LRIG1: variants seen among roughly 807,000 people sequenced by gnomAD.
LRIG1 encodes the protein leucine rich repeats and immunoglobulin like domains 1.
Under a neutral mutation model 99.2 loss-of-function variants are expected in LRIG1, and 48 were observed. The ratio of observed to expected loss-of-function variants is 0.48; its 90% CI spans 0.38 to 0.62. The LOEUF (loss-of-function observed/expected upper bound fraction) is 0.62. Among genes scored for constraint, LRIG1 ranks in the 20% least tolerant of loss-of-function variants. The probability of loss-of-function intolerance (pLI) is 0.00; values close to 1 mark genes in which losing one functional copy is unlikely to be tolerated. For synonymous variants in LRIG1, 772 were observed against 596.1 expected, an observed-to-expected ratio of 1.29 and a Z score of -4.30; for missense variants, 1,646 against 1,434.4, an observed-to-expected ratio of 1.15 and a Z score of -2.38.
At position 66,380,199 on chromosome 3, in the gene LRIG1, C is replaced by T. The variant is rs956747271; in HGVS notation, c.*64G>A. On this transcript the variant is annotated 3_prime_UTR_variant, in exon 19 of 19. Coordinates refer to ENST00000273261, the MANE Select transcript of LRIG1 (RefSeq NM_015541.3). The stretch of plus-strand genomic sequence containing the variant: ...AGTGACGCTTGAACCCAAGCTTCCT[C>T]GCAGCCTCTCCTACCTCTCTTTCCC... 75 of 1,390,326 alleles carry T rather than the reference C, an allele frequency of 5.4e-5. No homozygotes were observed. In the African/African-American group the frequency reaches 7.3e-4, roughly 14 times the overall value. The allele number at this position is 1,390,326 out of a possible 1,614,324, so 86.1% of individuals were successfully genotyped here. A position where few individuals can be genotyped will look rare whatever the true frequency, so the allele number is the denominator to read the frequency against.
At chr3:66,490,716 T>A (rs560755596) in intron 1 of LRIG1, among the ~76,000 whole-genome samples, 2 of 152,230 alleles carry the variant, frequency 1.3e-5, no homozygotes, top group African/African-American at 4.8e-5. Context: ...TGGTGTATAA[T>A]CGGTTATCAT....
At position 66,394,197 on chromosome 3, in the gene LRIG1, G is replaced by T; in HGVS notation, c.1311C>A (p.Ile437=). ...VKMKNLKELH[I]SSDSFLCDCQ... ...AGTCACACAGGAAGCTGTCGCTGCTGATATGGCTGAAAGAAACACAACAGT... is the reference window on the plus strand; with the variant it reads ...AGTCACACAGGAAGCTGTCGCTGCTTATATGGCTGAAAGAAACACAACAGT... Residue 437 remains isoleucine (I), a synonymous_variant, in exon 12 of 19, where the codon ATC becomes ATA. Transcript: ENST00000273261. 1.3e-6 allele frequency: 2 copies of T among 1,587,508 alleles called. No homozygotes were observed. Among genetic ancestry groups the T allele is most frequent in the Non-Finnish European group, 1.7e-6 (2 of 1,168,440 alleles).
chr3:66,491,663 A>G (rs1370413226), intron 1 of LRIG1, among the ~76,000 whole-genome samples: 2 of 152,212 alleles, frequency 1.3e-5, no homozygotes, highest in African/African-American at 4.8e-5. Flanking sequence ...TTATATCTCA[A>G]TAAAGCTGTT....
chr3:66,424,539 A>G (rs1702917967), intron 3 of LRIG1, among the ~76,000 whole-genome samples: 1 of 151,912 alleles, frequency 6.6e-6, no homozygotes, highest in Non-Finnish European at 1.5e-5. Flanking sequence ...CATCATTTTC[A>G]CTCCTTTAAC....
chr3:66,430,127 A>G (rs185713156), intron 3 of LRIG1, among the ~76,000 whole-genome samples: 3 of 152,292 alleles, frequency 2.0e-5, no homozygotes, highest in African/African-American at 7.2e-5. Context: ...TACATTCACC[A>G]CAACAAACCT....
At chr3:66,417,095 G>T (rs1436799926) in intron 4 of LRIG1, 34 bp downstream of exon 4, 4 of 1,608,404 alleles carry the variant, frequency 2.5e-6, no homozygotes, top group Non-Finnish European at 3.4e-6. Context: ...GGACACAGCG[G>T]GCCAGCCACA....
At chr3:66,495,797 T>C (rs1442124217) in intron 1 of LRIG1, among the ~76,000 whole-genome samples, 1 of 152,150 alleles carries the variant, frequency 6.6e-6, no homozygotes, top group Non-Finnish European at 1.5e-5. Flanking sequence ...CCCAGTGCTC[T>C]CTCCTGCATT....
chr3:66,384,933 G>A (rs550432794), intron 13 of LRIG1, among the ~76,000 whole-genome samples: 23 of 152,276 alleles, frequency 1.5e-4, no homozygotes, highest in South Asian at 6.2e-4. Flanking sequence ...TGAGTCTTTC[G>A]GAAGCTGTGA....
chr3:66,392,365 G>A (rs908723705), intron 12 of LRIG1, among the ~76,000 whole-genome samples: 22 of 152,188 alleles, frequency 1.4e-4, no homozygotes, highest in Admixed American at 9.2e-4. Flanking sequence ...AGGAACTGCC[G>A]AGACTGTTTT....
At chr3:66,397,467 C>T (rs1031604494) in intron 11 of LRIG1, among the ~76,000 whole-genome samples, 1 of 112,892 alleles carries the variant, frequency 8.9e-6, no homozygotes, top group Admixed American at 8.8e-5. Context: ...AAAAAAAAAA[C>T]CAGAAAGGAA....
intron 6 of LRIG1, 63 bp downstream of exon 6, chr3:66,412,808 C>A: frequency 1.3e-6 from 2 of 1,586,418 alleles, no homozygotes; most frequent in Non-Finnish European, 1.7e-6. Flanking sequence ...CACACACACA[C>A]GCCACATCAC....
intron 3 of LRIG1, among the ~76,000 whole-genome samples, chr3:66,450,138 G>A (rs962488226): frequency 6.6e-6 from 1 of 152,106 alleles, no homozygotes; most frequent in South Asian, 2.1e-4. Flanking sequence ...CAAACCAAGT[G>A]GGTACAAAAT....
At chr3:66,381,330 C>T in intron 17 of LRIG1, 149 bp downstream of exon 17, 1 of 657,610 alleles carries the variant, frequency 1.5e-6, no homozygotes, top group Non-Finnish European at 2.5e-6. Context: ...ATTAAGAGAG[C>T]CAGGCCTGAG....
intron 1 of LRIG1, among the ~76,000 whole-genome samples, chr3:66,491,891 G>A (rs1180121136): frequency 1.3e-5 from 2 of 151,750 alleles, no homozygotes. Context: ...TATTCAAAAG[G>A]TAAGAAAAAA....
chr3:66,492,578 G>C (rs916624137), intron 1 of LRIG1, among the ~76,000 whole-genome samples: 2 of 152,092 alleles, frequency 1.3e-5, no homozygotes, highest in Non-Finnish European at 2.9e-5. Flanking sequence ...TAAAAGATAA[G>C]AGATTAGAAC....
intron 1 of LRIG1, among the ~76,000 whole-genome samples, chr3:66,485,934 G>A (rs1385803881): frequency 2.0e-5 from 3 of 152,190 alleles, no homozygotes; most frequent in Non-Finnish European, 4.4e-5. Context: ...CAGGAATTCA[G>A]AGACGTCAAA....
chr3:66,458,365 G>A (rs1700276508), intron 2 of LRIG1, among the ~76,000 whole-genome samples: 1 of 152,150 alleles, frequency 6.6e-6, no homozygotes. Flanking sequence ...GCACCCAGCT[G>A]AGAAAATGCT....
chr3:66,421,322 G>C (rs181802252), intron 3 of LRIG1, among the ~76,000 whole-genome samples: 1 of 152,166 alleles, frequency 6.6e-6, no homozygotes, highest in Non-Finnish European at 1.5e-5. Flanking sequence ...CTGAGACAAT[G>C]CAAGTCCCTC....
In LRIG1 at chr3:66,500,532, C is replaced by T; in HGVS notation, c.-125G>A. ...ACTCCGCACCGGGGCATGGCCCCCG[C>T]CCCAAGTTCTCTCTGCGGCCGCGGC... On this transcript the variant is annotated 5_prime_UTR_variant, in exon 1 of 19. Transcript: ENST00000273261. The T allele has an allele frequency of 4.3e-6, 2 of 463,552 alleles. No homozygotes were observed. The highest frequency in any genetic ancestry group is 7.0e-6 in the Non-Finnish European group (2 of 287,240). 28.7% of individuals were successfully genotyped at this position (463,552 alleles called of 1,614,324 possible).
Sources: allele counts gnomAD v4.1 joint callset (sites outside exome capture counted in the v4.1 genomes callset), GRCh38; gene constraint gnomAD v4.1.1; transcripts MANE v1.5; gene names NCBI Gene and HGNC (gene_info 2026-07-23, HGNC 2026-07-21).